Variants in SLCO1A2 observed in about 807,000 individuals in gnomAD.
SLCO1A2 encodes solute carrier organic anion transporter family member 1A2.
In SLCO1A2, 67 loss-of-function variants were observed where a neutral mutation model predicts 69.0. That is an observed-to-expected ratio of 0.97 (90% CI 0.80 to 1.19). SLCO1A2 has a LOEUF of 1.19. Ranked by LOEUF, SLCO1A2 falls within the 50% of genes most tolerant of loss-of-function variation. The pLI, the probability that SLCO1A2 is intolerant of heterozygous loss-of-function variation, is 0.00. For synonymous variants in SLCO1A2, 260 were observed against 265.9 expected (o/e 0.98, Z 0.22); for missense variants, 787 against 793.7 (o/e 0.99, Z 0.10).
chr12:21,333,775 CT>C (rs1270443931), intron 2 of SLCO1A2, among the ~76,000 whole-genome samples: 1 of 152,040 alleles, frequency 6.6e-6, no homozygotes, highest in Non-Finnish European at 1.5e-5. Context: ...TGCTATTACC[CT>C]TTTCAGATGA....
upstream of SLCO1A2, among the ~76,000 whole-genome samples, chr12:21,400,185 A>T (rs1372344725): frequency 6.6e-6 from 1 of 151,986 alleles, no homozygotes; most frequent in Non-Finnish European, 1.5e-5. Context: ...TACAAGAAAA[A>T]AACAAACAAC....
intron 1 of SLCO1A2, among the ~76,000 whole-genome samples, chr12:21,393,531 C>T (rs894915385): frequency 3.3e-5 from 5 of 151,978 alleles, no homozygotes; most frequent in African/African-American, 7.3e-5. Context: ...AGAGACCAGC[C>T]GGATTAAAAA....
chr12:21,280,678 C>A (rs1308616001), intron 12 of SLCO1A2, among the ~76,000 whole-genome samples: 60 of 129,288 alleles, frequency 4.6e-4, no homozygotes, highest in South Asian at 9.5e-4. Context: ...TCTTCCAGAC[C>A]AAAAAAAAAA....
intron 6 of SLCO1A2, 50 bp downstream of exon 6, chr12:21,304,377 C>G (rs773706787): frequency 7.0e-7 from 1 of 1,435,186 alleles, no homozygotes; most frequent in African/African-American, 1.4e-5. Flanking sequence ...TTTCTAACCT[C>G]AAGGAACATA....
At chr12:21,341,321 G>A (rs1953060812) in intron 2 of SLCO1A2, among the ~76,000 whole-genome samples, 1 of 152,060 alleles carries the variant, frequency 6.6e-6, no homozygotes, top group South Asian at 2.1e-4. Flanking sequence ...TATCCAGAAA[G>A]TGGATAATCC....
At chr12:21,284,913 C>G in intron 12 of SLCO1A2, among the ~76,000 whole-genome samples, 1 of 59,056 alleles carries the variant, frequency 1.7e-5, no homozygotes, top group Non-Finnish European at 3.2e-5. Context: ...AGGAAAGATC[C>G]AAAATTGACA....
intron 14 of SLCO1A2, among the ~76,000 whole-genome samples, chr12:21,272,062 T>TCAAA (rs1359077176): frequency 6.6e-6 from 1 of 151,548 alleles, no homozygotes; most frequent in East Asian, 1.9e-4. Context: ...TTTCCACTTT[T>TCAAA]CAAACATTTG....
chr12:21,300,251 A>G, intron 8 of SLCO1A2, 97 bp downstream of exon 8: 1 of 831,976 alleles, frequency 1.2e-6, no homozygotes, highest in South Asian at 2.2e-5. Context: ...AAATTGTCTC[A>G]ACACAGCATA....
At chr12:21,370,660 T>C (rs368863336) in intron 2 of SLCO1A2, among the ~76,000 whole-genome samples, 2 of 152,038 alleles carry the variant, frequency 1.3e-5, no homozygotes, top group South Asian at 2.1e-4. Flanking sequence ...CTTAACATCT[T>C]AGAGAAACAA....
At chr12:21,413,241 T>C (rs1201387700) in intron 1 of SLCO1A2, among the ~76,000 whole-genome samples, 3 of 127,688 alleles carry the variant, frequency 2.3e-5, no homozygotes, top group East Asian at 2.8e-4. Context: ...CTTTTTCTTT[T>C]TTTTTTTTTT....
At chr12:21,403,278 G>C (rs1177763610) in intron 1 of SLCO1A2, 2 of 152,210 alleles carry the variant, frequency 1.3e-5, no homozygotes, top group African/African-American at 2.4e-5. Context: ...TGTCATTGCT[G>C]TCAGGAATGT....
intron 2 of SLCO1A2, among the ~76,000 whole-genome samples, chr12:21,359,005 C>T (rs1250595431): frequency 6.6e-6 from 1 of 152,174 alleles, no homozygotes; most frequent in Non-Finnish European, 1.5e-5. Flanking sequence ...GACTTATCTT[C>T]AGAATCCTAT....
chr12:21,405,994 A>G (rs932298213), intron 1 of SLCO1A2, among the ~76,000 whole-genome samples: 2 of 152,232 alleles, frequency 1.3e-5, no homozygotes, highest in African/African-American at 4.8e-5. Context: ...CACCTACTCC[A>G]TGCCAAATAT....
intron 4 of SLCO1A2, among the ~76,000 whole-genome samples, chr12:21,313,737 G>A (rs1037623729): frequency 1.3e-5 from 2 of 151,464 alleles, no homozygotes; most frequent in Admixed American, 6.6e-5. Flanking sequence ...AACAGAGGCC[G>A]AGGCGGGCGG....
At chr12:21,386,825 TGAAGA>T (rs1368710822) in intron 1 of SLCO1A2, among the ~76,000 whole-genome samples, 2 of 152,020 alleles carry the variant, frequency 1.3e-5, no homozygotes, top group African/African-American at 4.8e-5. Context: ...TTTGATGGGT[TGAAGA>T]GAAGACAGGA....
chr12:21,294,132 C>G (rs722994), intron 10 of SLCO1A2, 22 bp from the exon 11 acceptor site: 8 of 1,524,440 alleles, frequency 5.2e-6, no homozygotes, highest in Non-Finnish European at 6.2e-6. Flanking sequence ...TAAAATAATG[C>G]CATAGATATT....
At chr12:21,375,760 A>G (rs1940148722) in intron 1 of SLCO1A2, among the ~76,000 whole-genome samples, 1 of 152,188 alleles carries the variant, frequency 6.6e-6, no homozygotes, top group African/African-American at 2.4e-5. Flanking sequence ...AAGAGAGGCA[A>G]TTTAAGAGTT....
chr12:21,280,148 G>C (rs1455704400), intron 12 of SLCO1A2, among the ~76,000 whole-genome samples: 1 of 151,556 alleles, frequency 6.6e-6, no homozygotes, highest in Non-Finnish European at 1.5e-5. Flanking sequence ...TACCACTAGA[G>C]ATAATCACCT....
chr12:21,368,301 G>A (rs571749214), intron 2 of SLCO1A2, among the ~76,000 whole-genome samples: 8 of 152,184 alleles, frequency 5.3e-5, no homozygotes, highest in African/African-American at 9.6e-5. Context: ...GATACCACAC[G>A]TATGCCATCA....
Sources: gnomAD v4.1 joint callset for allele counts (sites outside exome capture counted in the v4.1 genomes callset) on GRCh38, gnomAD v4.1.1 for gene constraint, MANE v1.5 for transcripts, NCBI Gene and HGNC (gene_info 2026-07-23, HGNC 2026-07-21) for gene names.